Variants in PTK2 observed in about 807,000 individuals in gnomAD.
PTK2 encodes the protein protein tyrosine kinase 2.
PTK2 carries 45 observed loss-of-function variants against 150.1 expected under a neutral mutation model. The observed-to-expected ratio is 0.30, with a 90% CI of 0.24 to 0.38. The LOEUF (loss-of-function observed/expected upper bound fraction) is 0.38, where lower values mean the gene tolerates loss of function less well. Among genes scored for constraint, PTK2 ranks in the 10% least tolerant of loss-of-function variants. PTK2 has a pLI of 1.00. For missense variants in PTK2, 919 were observed against 1,307.3 expected, an observed-to-expected ratio of 0.70 and a Z score of 4.58; for synonymous variants, 432 against 449.2, an observed-to-expected ratio of 0.96 and a Z score of 0.48.
At chr8:140,684,295 C>T (rs2100018605) in intron 27 of PTK2, among the ~76,000 whole-genome samples, 1 of 152,198 alleles carries the variant, frequency 6.6e-6, no homozygotes. Flanking sequence ...AAGGAGTGTG[C>T]AATCTAGATC....
rs558371542 is a variant in PTK2, at chr8:140,793,400, A to C, written c.1094-16T>G. ...CGTTCACCTTCTGCGGGGAAAAAGA[A>C]AAGAGATGCATAAGGCTCTTTTCAC... On this transcript the variant is annotated splice_polypyrimidine_tract_variant and intron_variant, in intron 12 of 31. Coordinates refer to ENST00000522684, the Ensembl canonical transcript of PTK2. 6.2e-7 allele frequency: 1 copy of C among 1,608,676 alleles called. No homozygotes were observed. Among genetic ancestry groups the C allele is most frequent in the Non-Finnish European group, 8.5e-7 (1 of 1,178,498 alleles).
chr8:140,990,803 T>C (rs1284180003), intron 1 of PTK2, among the ~76,000 whole-genome samples: 1 of 152,176 alleles, frequency 6.6e-6, no homozygotes, highest in East Asian at 1.9e-4. Context: ...GTCTTTCTAA[T>C]TGCCTCCCTT....
chr8:140,800,321 C>T (rs2100094236), intron 12 of PTK2, 138 bp downstream of exon 12: 1 of 737,072 alleles, frequency 1.4e-6, no homozygotes, highest in Non-Finnish European at 2.4e-6. Context: ...AATAAGTCCT[C>T]AGATTATACT....
chr8:140,779,842 ATTC>A (rs1284601202), intron 14 of PTK2, among the ~76,000 whole-genome samples: 1 of 152,082 alleles, frequency 6.6e-6, no homozygotes, highest in African/African-American at 2.4e-5. Flanking sequence ...TCTCAATTCT[ATTC>A]TTCTCCTTGG....
chr8:140,803,461 T>A, intron 11 of PTK2, 82 bp downstream of exon 11: 2 of 1,141,620 alleles, frequency 1.8e-6, no homozygotes, highest in South Asian at 1.3e-5. Context: ...AAAAACTTCA[T>A]CCTTTTCATA....
intron 2 of PTK2, chr8:140,920,906 A>G (rs1016159502): frequency 6.6e-7 from 1 of 1,522,500 alleles, no homozygotes; most frequent in Non-Finnish European, 8.8e-7. Flanking sequence ...TGCCAGTTCC[A>G]ACAACATACA....
chr8:140,877,165 T>G (rs2100146116), intron 4 of PTK2, among the ~76,000 whole-genome samples: 1 of 151,110 alleles, frequency 6.6e-6, no homozygotes, highest in South Asian at 2.1e-4. Flanking sequence ...CCAATGTAGC[T>G]GGGAGTACAG....
At chr8:140,927,971 A>ATATAT (rs1209829069) in intron 1 of PTK2, among the ~76,000 whole-genome samples, 144 of 66,850 alleles carry the variant, frequency 2.2e-3, no homozygotes, top group East Asian at 0.012. Flanking sequence ...AAAAAAAAAA[A>ATATAT]AAAAATATAT....
intron 22 of PTK2, among the ~76,000 whole-genome samples, chr8:140,733,818 C>T (rs186105820): frequency 1.7e-4 from 26 of 152,142 alleles, no homozygotes; most frequent in Admixed American, 1.1e-3. Context: ...AGAACCAGGC[C>T]GGTGTGTGAG....
At chr8:140,699,320 T>G (rs959257304) in intron 26 of PTK2, among the ~76,000 whole-genome samples, 1 of 152,090 alleles carries the variant, frequency 6.6e-6, no homozygotes, top group Non-Finnish European at 1.5e-5. Flanking sequence ...AAATAGCTAT[T>G]CTGGGTTCAA....
rs75543525 is a variant in PTK2, at chr8:140,886,386, T to C, written c.195+4157A>G. Among the ~76,000 whole-genome samples, 1,419 of 152,184 alleles carry C rather than the reference T, an allele frequency of 9.3e-3. 20 individuals are homozygous for C. The highest frequency in any genetic ancestry group is 9.8e-3 in the Non-Finnish European group (668 of 68,000). ...TCTAGGAGAGAACAAGATGGGGGGATAGAGCATGACAGCTGGGTAGCACTA... is the reference window on the plus strand; with the variant it reads ...TCTAGGAGAGAACAAGATGGGGGGACAGAGCATGACAGCTGGGTAGCACTA... On this transcript the variant is annotated intron_variant, in intron 3 of 31. Coordinates refer to ENST00000522684, the Ensembl canonical transcript of PTK2.
intron 1 of PTK2, among the ~76,000 whole-genome samples, chr8:140,946,880 A>G (rs1341005371): frequency 6.6e-6 from 1 of 152,236 alleles, no homozygotes; most frequent in African/African-American, 2.4e-5. Flanking sequence ...TAAAAGTTCA[A>G]CAAACATTTC....
At chr8:140,988,896 C>T (rs2100194455) in intron 1 of PTK2, among the ~76,000 whole-genome samples, 1 of 151,936 alleles carries the variant, frequency 6.6e-6, no homozygotes, top group Non-Finnish European at 1.5e-5. Flanking sequence ...CTTCCTTATA[C>T]TATACACCAA....
rs1439632646 is a variant in PTK2, at chr8:140,670,491, ACACACACAC to A, written c.2710-2076_2710-2068del. ...AAAAAAAAAAAAAAAAAACAACAACACACACACACACACACACACACACACACACACACA... is the reference window on the plus strand; with the variant it reads ...AAAAAAAAAAAAAAAAAACAACAACAACACACACACACACACACACACACA... On this transcript the variant is annotated intron_variant, in intron 29 of 31. Transcript: ENST00000522684. Among the ~76,000 whole-genome samples the A allele has an allele frequency of 1.6e-4, 4 of 24,880 alleles. 1 individual carries two copies. Among genetic ancestry groups the A allele is most frequent in the African/African-American group, 2.7e-4 (3 of 10,976 alleles). The allele number at this position is 24,880 out of a possible 152,430, so 16.3% of individuals were successfully genotyped here. A position where few individuals can be genotyped will look rare whatever the true frequency, so the allele number is the denominator to read the frequency against.
At chr8:140,864,834 T>C (rs1056989551) in intron 4 of PTK2, among the ~76,000 whole-genome samples, 1 of 152,360 alleles carries the variant, frequency 6.6e-6, no homozygotes, top group African/African-American at 2.4e-5. Context: ...GCTCTTTATC[T>C]TTCTCATTCT....
At chr8:140,911,262 T>A (rs1305113140) in intron 2 of PTK2, among the ~76,000 whole-genome samples, 1 of 152,148 alleles carries the variant, frequency 6.6e-6, no homozygotes, top group East Asian at 1.9e-4. Flanking sequence ...TATTGTTTTA[T>A]CATACATTGT....
intron 14 of PTK2, among the ~76,000 whole-genome samples, 198 bp downstream of exon 15, chr8:140,770,518 A>G (rs1329916993): frequency 2.6e-5 from 4 of 152,264 alleles, no homozygotes; most frequent in Non-Finnish European, 5.9e-5. Flanking sequence ...TGTATTCAAG[A>G]GAGTAACCCA....
intron 24 of PTK2, among the ~76,000 whole-genome samples, chr8:140,705,219 AAT>A (rs1306505143): frequency 2.0e-5 from 3 of 152,204 alleles, no homozygotes; most frequent in Non-Finnish European, 4.4e-5. Flanking sequence ...GTTAAGTACC[AAT>A]AGTTAAGATT....
intron 26 of PTK2, among the ~76,000 whole-genome samples, chr8:140,687,894 TCC>T (rs1008398234): frequency 6.6e-6 from 1 of 152,086 alleles, no homozygotes; most frequent in African/African-American, 2.4e-5. Flanking sequence ...CTTCCTCCCT[TCC>T]CCCTTTCCTT....
Sources: gnomAD v4.1 joint callset for allele counts (sites outside exome capture counted in the v4.1 genomes callset) on GRCh38, gnomAD v4.1.1 for gene constraint, MANE v1.5 for transcripts, NCBI Gene and HGNC (gene_info 2026-07-23, HGNC 2026-07-21) for gene names.